SLC8A1: variants seen among roughly 807,000 people sequenced by gnomAD.
The protein encoded by SLC8A1 is sodium/calcium exchanger 1.
SLC8A1 carries 18 observed loss-of-function variants against 68.3 expected under a neutral mutation model. The ratio of observed to expected loss-of-function variants is 0.26; its 90% CI spans 0.18 to 0.39. The LOEUF (loss-of-function observed/expected upper bound fraction) is 0.39. Ranked by LOEUF, SLC8A1 falls within the 10% of genes least tolerant of loss-of-function variation. The pLI, the probability that SLC8A1 is intolerant of heterozygous loss-of-function variation, is 1.00. For synonymous variants in SLC8A1, 475 were observed against 415.5 expected, an observed-to-expected ratio of 1.14 and a Z score of -1.74; for missense variants, 985 against 1,156.7, an observed-to-expected ratio of 0.85 and a Z score of 2.15.
chr2:40,125,751 A>G (rs1022824766), intron 7 of SLC8A1, among the ~76,000 whole-genome samples: 1 of 152,080 alleles, frequency 6.6e-6, no homozygotes, highest in East Asian at 1.9e-4. Context: ...TATAATGAAA[A>G]AAAGAAAAGA....
chr2:40,319,129 G>A (rs2074869361), intron 2 of SLC8A1, among the ~76,000 whole-genome samples: 1 of 152,080 alleles, frequency 6.6e-6, no homozygotes, highest in Non-Finnish European at 1.5e-5. Flanking sequence ...AACAGGCAGT[G>A]TGGGAATGGC....
chr2:40,120,854 T>C (rs1173575985), intron 7 of SLC8A1: 1 of 152,236 alleles, frequency 6.6e-6, no homozygotes, highest in African/African-American at 2.4e-5. Context: ...TGGCCATTCA[T>C]TGATACGAGT....
intron 2 of SLC8A1, among the ~76,000 whole-genome samples, chr2:40,352,372 A>G (rs562485387): frequency 8.2e-4 from 125 of 152,282 alleles, no homozygotes; most frequent in African/African-American, 2.9e-3. Flanking sequence ...ATTTCAACCA[A>G]TGTCTCAAAT....
At chr2:40,236,454 C>G (rs191433471) in intron 2 of SLC8A1, among the ~76,000 whole-genome samples, 1 of 152,056 alleles carries the variant, frequency 6.6e-6, no homozygotes, top group Non-Finnish European at 1.5e-5. Flanking sequence ...ATTTGTTTGG[C>G]AGATCTTCCT....
exon 1 of SLC8A1, chr2:40,452,054 A>C (rs1472528810): frequency 2.0e-5 from 3 of 150,848 alleles, no homozygotes; most frequent in Non-Finnish European, 4.4e-5. Flanking sequence ...CGGCGGGCTG[A>C]CTACCGTGCA....
intron 2 of SLC8A1, among the ~76,000 whole-genome samples, chr2:40,247,954 T>C (rs1408806549): frequency 6.6e-6 from 1 of 152,200 alleles, no homozygotes; most frequent in African/African-American, 2.4e-5. Flanking sequence ...CTCAGTAAAG[T>C]GGCAGAGCAA....
intron 1 of SLC8A1, among the ~76,000 whole-genome samples, chr2:40,438,204 C>G (rs1301440346): frequency 2.0e-5 from 3 of 152,116 alleles, no homozygotes; most frequent in Non-Finnish European, 4.4e-5. Flanking sequence ...AATTCTTTCA[C>G]ATAATAATTG....
At chr2:40,149,624 G>A (rs2043058162) in intron 6 of SLC8A1, among the ~76,000 whole-genome samples, 1 of 152,220 alleles carries the variant, frequency 6.6e-6, no homozygotes, top group Admixed American at 6.5e-5. Context: ...AAGATGGAAA[G>A]AGGATTGACT....
Position 40,228,430 on chromosome 2 carries a change from G to A in SLC8A1, c.1809-50575C>T, listed in dbSNP as rs527747527. Among the ~76,000 whole-genome samples the A allele has an allele frequency of 1.7e-4, 26 of 152,266 alleles. No individual in the cohort carries two copies. The East Asian group carries it at 4.2e-3, about 25-fold the overall frequency. On this transcript the variant is annotated intron_variant, in intron 2 of 7. Transcript: ENST00000406785. ...TGCTGTCTACATTGGCATGACATTGGAATTAAAGCCAACTGGAGGCAGCTG... is the reference window on the plus strand; with the variant it reads ...TGCTGTCTACATTGGCATGACATTGAAATTAAAGCCAACTGGAGGCAGCTG...
intron 2 of SLC8A1, among the ~76,000 whole-genome samples, chr2:40,271,230 C>T (rs889061913): frequency 1.3e-5 from 2 of 151,700 alleles, no homozygotes; most frequent in Admixed American, 6.6e-5. Flanking sequence ...TCTCTCACGT[C>T]CCCTCCCACT....
intron 2 of SLC8A1, among the ~76,000 whole-genome samples, chr2:40,427,101 G>T (rs1697069213): frequency 6.6e-6 from 1 of 151,886 alleles, no homozygotes; most frequent in African/African-American, 2.4e-5. Context: ...AAAACACTTT[G>T]CTCCCTACAA....
At chr2:40,437,326 T>A (rs527508219) in intron 1 of SLC8A1, among the ~76,000 whole-genome samples, 1 of 152,224 alleles carries the variant, frequency 6.6e-6, no homozygotes, top group African/African-American at 2.4e-5. Context: ...TTGCATTAGC[T>A]CATCAAGGAG....
intron 2 of SLC8A1, chr2:40,209,891 A>C (rs2056256713): frequency 6.6e-6 from 1 of 152,284 alleles, no homozygotes; most frequent in African/African-American, 2.4e-5. Flanking sequence ...TGGCAGAGGA[A>C]ATGGACTAGG....
At chr2:40,429,157 G>C in exon 2 of SLC8A1, 2 of 1,613,170 alleles carry the variant, frequency 1.2e-6, no homozygotes, top group Non-Finnish European at 1.7e-6. Flanking sequence ...AATGTTGCCA[G>C]CTCCAGTCAT....
exon 2 of SLC8A1, chr2:40,430,106 C>A: frequency 6.2e-7 from 1 of 1,613,836 alleles, no homozygotes; most frequent in Non-Finnish European, 8.5e-7. Context: ...GGCAAAATCA[C>A]CCCTTTCTTA....
chr2:40,423,878 T>G (rs1415572445), intron 2 of SLC8A1, among the ~76,000 whole-genome samples: 1 of 151,786 alleles, frequency 6.6e-6, no homozygotes, highest in African/African-American at 2.4e-5. Context: ...ATAATTTAGG[T>G]TTGCAGATGA....
chr2:40,412,914 T>A (rs76553239), intron 2 of SLC8A1, among the ~76,000 whole-genome samples: 1 of 152,180 alleles, frequency 6.6e-6, no homozygotes, highest in Non-Finnish European at 1.5e-5. Context: ...GATTTTTTTT[T>A]ATTATACTTT....
chr2:40,147,050 G>T (rs577383450), intron 6 of SLC8A1, among the ~76,000 whole-genome samples: 2 of 152,336 alleles, frequency 1.3e-5, no homozygotes, highest in African/African-American at 4.8e-5. Context: ...TATGGTCTTT[G>T]TTGGGGTGGT....
At chr2:40,155,861 T>C (rs1573297238) in intron 6 of SLC8A1, among the ~76,000 whole-genome samples, 1 of 152,166 alleles carries the variant, frequency 6.6e-6, no homozygotes, top group African/African-American at 2.4e-5. Context: ...CTGTGAAATG[T>C]AGTGAGTGTG....
Sources: allele counts gnomAD v4.1 joint callset (sites outside exome capture counted in the v4.1 genomes callset), GRCh38; gene constraint gnomAD v4.1.1; transcripts MANE v1.5; gene names NCBI Gene and HGNC (gene_info 2026-07-23, HGNC 2026-07-21).